The following GRIA3 variants were observed in gnomAD, a reference collection of about 807,000 sequenced individuals.
GRIA3 encodes glutamate receptor 3.
Under a neutral mutation model 63.0 loss-of-function variants are expected in GRIA3, and 3 were observed. The observed-to-expected ratio is 0.05, with a 90% CI of 0.02 to 0.12. The LOEUF (loss-of-function observed/expected upper bound fraction) is 0.12, where lower values mean the gene tolerates loss of function less well. Ranked by LOEUF, GRIA3 falls within the 10% of genes least tolerant of loss-of-function variation. The pLI, the probability that GRIA3 is intolerant of heterozygous loss-of-function variation, is 1.00. For missense variants in GRIA3, 347 were observed against 700.9 expected (o/e 0.50, Z 5.70); for synonymous variants, 274 against 257.9 (o/e 1.06, Z -0.60).
In GRIA3 at chrX:123,448,970, C is replaced by T. The variant is rs765711116; in HGVS notation, c.2077-15895C>T. On this transcript the variant is annotated intron_variant, in intron 12 of 15. Transcript: ENST00000620443. ...CTATAAGGTGGGTCCTATTACCATC[C>T]CCATTTTTCAGAGGAGGAAACTGAG... Among the ~76,000 whole-genome samples, 4 of 111,903 alleles carry T rather than the reference C, an allele frequency of 3.6e-5. No homozygotes were observed. In the East Asian group the frequency reaches 1.1e-3, roughly 31 times the overall value.
At position 123,463,581 on chromosome X, in the gene GRIA3, AGGG is replaced by A. The variant is rs1222437669; in HGVS notation, c.2077-1283_2077-1281del. 3.1e-3 allele frequency among the ~76,000 whole-genome samples: 43 copies of A among 13,950 alleles called. 1 individual carries two copies. The highest frequency in any genetic ancestry group is 4.7e-3 in the East Asian group (1 of 215). The allele number at this position is 13,950 out of a possible 115,157, so 12.1% of individuals were successfully genotyped here. A position where few individuals can be genotyped will look rare whatever the true frequency, so the allele number is the denominator to read the frequency against. ...AAGGAAGGAAGGAAGGAAGGAAGGG[AGGG>A]AGGGAGGGAGGGAGGGAGGGAGGGA... On this transcript the variant is annotated intron_variant, in intron 12 of 15. Transcript: ENST00000620443.
intron 9 of GRIA3, among the ~76,000 whole-genome samples, 180 bp downstream of exon 9, chrX:123,403,699 A>G (rs1228675614): frequency 8.9e-6 from 1 of 112,147 alleles, no homozygotes; most frequent in African/African-American, 3.2e-5. Flanking sequence ...TTTAACAAAA[A>G]GAGAGAAAGA....
chrX:123,330,855 A>G (rs2044936595), intron 4 of GRIA3, among the ~76,000 whole-genome samples: 1 of 112,351 alleles, frequency 8.9e-6, no homozygotes, highest in Non-Finnish European at 1.9e-5. Context: ...GAAAAGTCAG[A>G]CCTAGATATG....
At chrX:123,245,080 G>C (rs1034072181) in intron 2 of GRIA3, among the ~76,000 whole-genome samples, 1 of 112,107 alleles carries the variant, frequency 8.9e-6, no homozygotes. Context: ...ATGAACAGGA[G>C]GTAGATACAC....
At chrX:123,428,274 G>T (rs925703245) in intron 12 of GRIA3, 135 bp downstream of exon 12, 1 of 519,290 alleles carries the variant, frequency 1.9e-6, no homozygotes, top group Non-Finnish European at 3.4e-6. Context: ...TTAAATACTG[G>T]GCTGCTTGGT....
chrX:123,206,449 G>A (rs1172073739), intron 2 of GRIA3, among the ~76,000 whole-genome samples: 2 of 112,127 alleles, frequency 1.8e-5, no homozygotes, highest in Non-Finnish European at 3.8e-5. Flanking sequence ...ACTGGCTGCC[G>A]TTCTTGTCCC....
At chrX:123,427,037 T>G (rs1348072383) in intron 11 of GRIA3, among the ~76,000 whole-genome samples, 1 of 111,868 alleles carries the variant, frequency 8.9e-6, no homozygotes, top group Non-Finnish European at 1.9e-5. Flanking sequence ...GGTTAAGGCT[T>G]AGTTGTCAAA....
intron 5 of GRIA3, among the ~76,000 whole-genome samples, chrX:123,381,819 C>T (rs867065932): frequency 3.4e-4 from 38 of 112,089 alleles, no homozygotes; most frequent in Middle Eastern, 9.3e-3. Flanking sequence ...AGAAAGATGA[C>T]GAAGAGTCAA....
chrX:123,212,577 G>A (rs959044998), intron 2 of GRIA3, among the ~76,000 whole-genome samples: 4 of 111,826 alleles, frequency 3.6e-5, no homozygotes, highest in Non-Finnish European at 7.5e-5. Flanking sequence ...GAATGACAAA[G>A]AGTTTGCTGT....
intron 4 of GRIA3, among the ~76,000 whole-genome samples, chrX:123,344,710 C>A (rs2045032202): frequency 9.0e-6 from 1 of 111,143 alleles, no homozygotes; most frequent in Non-Finnish European, 1.9e-5. Flanking sequence ...GCTCCTTTCC[C>A]AGGAGTCTGG....
chrX:123,210,019 CT>C, intron 2 of GRIA3, among the ~76,000 whole-genome samples: 1 of 109,601 alleles, frequency 9.1e-6, no homozygotes, highest in African/African-American at 3.3e-5. Context: ...GTTTGTTTTT[CT>C]CTAGGAGGTG....
intron 3 of GRIA3, among the ~76,000 whole-genome samples, chrX:123,275,982 T>C (rs1052793672): frequency 3.6e-5 from 4 of 112,209 alleles, no homozygotes; most frequent in Admixed American, 1.9e-4. Flanking sequence ...AACATACACA[T>C]TGAGTATTTT....
chrX:123,234,683 C>A (rs995553401), intron 2 of GRIA3, among the ~76,000 whole-genome samples: 1 of 111,566 alleles, frequency 9.0e-6, no homozygotes, highest in East Asian at 2.8e-4. Flanking sequence ...TCCACCTCAG[C>A]GGTTGGCCCA....
intron 12 of GRIA3, among the ~76,000 whole-genome samples, chrX:123,434,644 A>G (rs2045635430): frequency 8.9e-6 from 1 of 111,743 alleles, no homozygotes; most frequent in Non-Finnish European, 1.9e-5. Flanking sequence ...AAGACTGGAG[A>G]CAGAGCAACA....
intron 2 of GRIA3, among the ~76,000 whole-genome samples, chrX:123,247,871 G>A (rs191632044): frequency 9.1e-6 from 1 of 109,767 alleles, no homozygotes. Flanking sequence ...AAAGTACACA[G>A]AGAGAGAGAG....
intron 3 of GRIA3, among the ~76,000 whole-genome samples, chrX:123,283,486 G>T (rs1026346600): frequency 8.9e-6 from 1 of 111,790 alleles, no homozygotes; most frequent in African/African-American, 3.3e-5. Context: ...AGCAAGCTAA[G>T]ATCCACTGGC....
intron 12 of GRIA3, among the ~76,000 whole-genome samples, chrX:123,461,442 C>T (rs1298157479): frequency 1.8e-5 from 2 of 111,564 alleles, no homozygotes; most frequent in South Asian, 3.8e-4. Context: ...ATGACATCTG[C>T]TCTGGATCTT....
At chrX:123,343,762 A>ATT (rs544918906) in intron 4 of GRIA3, among the ~76,000 whole-genome samples, 9 of 97,909 alleles carry the variant, frequency 9.2e-5, no homozygotes, top group Non-Finnish European at 6.3e-5. Flanking sequence ...ATGCCCGGCA[A>ATT]TTTTTTTTTT....
intron 3 of GRIA3, among the ~76,000 whole-genome samples, chrX:123,264,399 C>T (rs1479547380): frequency 9.0e-6 from 1 of 111,093 alleles, no homozygotes; most frequent in African/African-American, 3.3e-5. Flanking sequence ...TCAATCTGTA[C>T]AGAGGTGGCT....
Sources: allele counts gnomAD v4.1 joint callset (sites outside exome capture counted in the v4.1 genomes callset), GRCh38; gene constraint gnomAD v4.1.1; transcripts MANE v1.5; gene names NCBI Gene and HGNC (gene_info 2026-07-23, HGNC 2026-07-21).